SLCO3A1: variants seen among roughly 807,000 people sequenced by gnomAD.
The protein encoded by SLCO3A1 is solute carrier organic anion transporter family member 3A1.
In SLCO3A1, 27 loss-of-function variants were observed where a neutral mutation model predicts 63.1. The observed-to-expected ratio is 0.43, with a 90% CI of 0.32 to 0.59. The LOEUF (loss-of-function observed/expected upper bound fraction) is 0.59, where lower values mean the gene tolerates loss of function less well. Among genes scored for constraint, SLCO3A1 ranks in the 20% least tolerant of loss-of-function variants. The probability of loss-of-function intolerance (pLI) is 0.09; values close to 1 mark genes in which losing one functional copy is unlikely to be tolerated. For synonymous variants in SLCO3A1, 473 were observed against 409.9 expected (o/e 1.15, Z -1.86); for missense variants, 773 against 945.8 (o/e 0.82, Z 2.40).
At chr15:92,094,789 A>G in intron 2 of SLCO3A1, 92 bp from the exon 3 acceptor site, 1 of 786,294 alleles carries the variant, frequency 1.3e-6, no homozygotes, top group African/African-American at 1.7e-5. Context: ...ATCTCATCTC[A>G]TCAATGTAAA....
At chr15:92,048,858 A>G (rs1275692089) in intron 2 of SLCO3A1, among the ~76,000 whole-genome samples, 1 of 152,208 alleles carries the variant, frequency 6.6e-6, no homozygotes, top group Non-Finnish European at 1.5e-5. Flanking sequence ...AGATCACGCC[A>G]TTGCACCACT....
intron 4 of SLCO3A1, among the ~76,000 whole-genome samples, chr15:92,115,391 G>A (rs2047781911): frequency 6.6e-6 from 1 of 152,076 alleles, no homozygotes; most frequent in South Asian, 2.1e-4. Flanking sequence ...AGATACATCT[G>A]CAGCAAGTCG....
downstream of SLCO3A1, among the ~76,000 whole-genome samples, chr15:92,167,364 C>T (rs1471291104): frequency 6.6e-6 from 1 of 152,226 alleles, no homozygotes; most frequent in Non-Finnish European, 1.5e-5. Context: ...GGTTAGAATC[C>T]ACTTCAAATA....
At chr15:92,128,564 G>C in intron 7 of SLCO3A1, 75 bp downstream of exon 7, 1 of 1,378,526 alleles carries the variant, frequency 7.3e-7, no homozygotes, top group African/African-American at 1.4e-5. Flanking sequence ...TTTTTGCCCA[G>C]GTTGTTCGCC....
At chr15:92,077,414 C>T (rs1404606000) in intron 2 of SLCO3A1, among the ~76,000 whole-genome samples, 1 of 152,218 alleles carries the variant, frequency 6.6e-6, no homozygotes, top group African/African-American at 2.4e-5. Context: ...AGTCATTTGC[C>T]CCGCCGTGTC....
intron 1 of SLCO3A1, among the ~76,000 whole-genome samples, chr15:91,902,421 G>A (rs139033976): frequency 3.0e-4 from 46 of 151,948 alleles, no homozygotes; most frequent in Non-Finnish European, 4.3e-4. Flanking sequence ...CCTGTCTTCC[G>A]TTTAAAATTC....
chr15:91,985,586 A>G (rs1213940493), intron 2 of SLCO3A1, among the ~76,000 whole-genome samples: 1 of 152,178 alleles, frequency 6.6e-6, no homozygotes. Flanking sequence ...GAGCAGTTCC[A>G]CGCTCACCAA....
chr15:92,055,530 C>T (rs2047011223), intron 2 of SLCO3A1, among the ~76,000 whole-genome samples: 1 of 152,138 alleles, frequency 6.6e-6, no homozygotes, highest in Admixed American at 6.5e-5. Context: ...TGCAGAACTT[C>T]CTTTCCTTAT....
chr15:92,037,697 T>C (rs1488247712), intron 2 of SLCO3A1, among the ~76,000 whole-genome samples: 2 of 152,236 alleles, frequency 1.3e-5, no homozygotes, highest in Non-Finnish European at 2.9e-5. Flanking sequence ...AACTGTGTAA[T>C]CCCCTGGAAG....
rs1430197498 is a variant in SLCO3A1 at position 92,162,849 on chromosome 15, T to A, written c.1847T>A (p.Leu616His). 6.2e-7 allele frequency: 1 copy of A among 1,614,236 alleles called. No homozygotes were observed. The highest frequency in any genetic ancestry group is 8.5e-7 in the Non-Finnish European group (1 of 1,180,046). Residue 616 changes from leucine (L) to histidine (H), a missense_variant, in exon 10 of 10, where the codon CTC (leucine) becomes CAC (histidine). Leu to His is a moderately conservative substitution (Grantham distance 99, BLOSUM62 -3). Transcript: ENST00000318445. The stretch of plus-strand genomic sequence containing the variant: ...TGTGGGGAGCAAGGCGCCTGCGTCC[T>A]CTACGACAATGTGGTCTACCGATAC... ...TFCGEQGACV[L>H]YDNVVYRYLY... is the part of the protein sequence containing the mutation.
At chr15:92,119,753 G>C (rs2047839622) in intron 4 of SLCO3A1, among the ~76,000 whole-genome samples, 1 of 152,162 alleles carries the variant, frequency 6.6e-6, no homozygotes, top group South Asian at 2.1e-4. Context: ...GCAGGGTTTT[G>C]AGCAGGAAAC....
At chr15:92,006,811 T>C (rs1597213482) in intron 2 of SLCO3A1, among the ~76,000 whole-genome samples, 1 of 152,234 alleles carries the variant, frequency 6.6e-6, no homozygotes, top group East Asian at 1.9e-4. Flanking sequence ...AGCTTCTTCA[T>C]TAAGCTACCA....
chr15:92,034,432 G>T (rs981040051), intron 2 of SLCO3A1, among the ~76,000 whole-genome samples: 1 of 151,544 alleles, frequency 6.6e-6, no homozygotes, highest in East Asian at 1.9e-4. Flanking sequence ...TGGAAGTCGG[G>T]GGAATGTGAG....
At chr15:91,880,170 C>CATCCATCTATCTATCTATCTATCTATCT (rs1337739872) in intron 1 of SLCO3A1, among the ~76,000 whole-genome samples, 16 of 126,264 alleles carry the variant, frequency 1.3e-4, no homozygotes, top group African/African-American at 4.1e-4. Flanking sequence ...TCCATCCATC[C>CATCCATCTATCTATCTATCTATCTATCT]ATCTATCTAT....
At chr15:91,908,934 G>C (rs1253776168) in intron 1 of SLCO3A1, among the ~76,000 whole-genome samples, 2 of 152,104 alleles carry the variant, frequency 1.3e-5, no homozygotes, top group African/African-American at 4.8e-5. Flanking sequence ...GGTGGCGGGT[G>C]CCTGTAATCC....
chr15:92,157,515 C>T (rs2048386941), intron 9 of SLCO3A1, among the ~76,000 whole-genome samples: 1 of 148,502 alleles, frequency 6.7e-6, no homozygotes, highest in African/African-American at 2.5e-5. Flanking sequence ...TTTTTGAGAC[C>T]AGTCTCAGTC....
rs527743023 is a variant in SLCO3A1, at chr15:92,041,476, G to GT, written c.647-53398dup. On this transcript the variant is annotated intron_variant, in intron 2 of 9. Transcript: ENST00000318445. ...ATACAGCAGAAGACTAAGTTATGCA[G>GT]TTTTTTTGTATGCTGTGAATTCAGG... 3.8e-3 allele frequency among the ~76,000 whole-genome samples: 583 copies of GT among 152,300 alleles called. 4 individuals are homozygous for GT. The highest frequency in any genetic ancestry group is 0.012 in the African/African-American group (482 of 41,554).
chr15:92,087,534 T>C (rs1356167004), intron 2 of SLCO3A1, among the ~76,000 whole-genome samples: 1 of 150,270 alleles, frequency 6.7e-6, no homozygotes, highest in Non-Finnish European at 1.5e-5. Flanking sequence ...TTTTTTTTTT[T>C]TGAGCTGGAG....
chr15:91,987,222 T>C (rs957971012), intron 2 of SLCO3A1, among the ~76,000 whole-genome samples: 7 of 152,158 alleles, frequency 4.6e-5, no homozygotes, highest in African/African-American at 1.7e-4. Flanking sequence ...TGTCGGTAGG[T>C]GCCACATGAA....
Sources: allele counts gnomAD v4.1 joint callset (sites outside exome capture counted in the v4.1 genomes callset), GRCh38; gene constraint gnomAD v4.1.1; transcripts MANE v1.5; gene names NCBI Gene and HGNC (gene_info 2026-07-23, HGNC 2026-07-21).